The following SH3GL1 variants were observed in gnomAD, a reference collection of about 807,000 sequenced individuals.
The protein encoded by SH3GL1 is SH3 domain containing GRB2 like 1, endophilin A2.
Under a neutral mutation model 48.8 loss-of-function variants are expected in SH3GL1, and 21 were observed. The ratio of observed to expected loss-of-function variants is 0.43; its 90% CI spans 0.30 to 0.62. The LOEUF (loss-of-function observed/expected upper bound fraction) is 0.62, where lower values mean the gene tolerates loss of function less well. SH3GL1 is among the 20% of genes least tolerant of loss of function. The pLI, the probability that SH3GL1 is intolerant of heterozygous loss-of-function variation, is 0.11. For missense variants in SH3GL1, 454 were observed against 503.0 expected, an observed-to-expected ratio of 0.90 and a Z score of 0.93; for synonymous variants, 282 against 217.5, an observed-to-expected ratio of 1.30 and a Z score of -2.61.
At chr19:4,377,684 G>T (rs760498695) in intron 1 of SH3GL1, among the ~76,000 whole-genome samples, 7 of 152,160 alleles carry the variant, frequency 4.6e-5, no homozygotes, top group African/African-American at 1.7e-4. Flanking sequence ...CTGCCCCCTC[G>T]CCAGGTCACG....
At chr19:4,395,425 G>C (rs1852303407) in intron 1 of SH3GL1, 1 of 152,170 alleles carries the variant, frequency 6.6e-6, no homozygotes. Flanking sequence ...TGTATGTTCT[G>C]TGTTTCTCTG....
At position 4,361,597 on chromosome 19, in the gene SH3GL1, G is replaced by A; in HGVS notation, c.*3C>T. Reference sequence around the variant, plus strand: ...GGAGGGGCGGGGCGGGGACACGGGTGAGTCACTGCGGCAGGGGCACAAGCA... The same window carrying A: ...GGAGGGGCGGGGCGGGGACACGGGTAAGTCACTGCGGCAGGGGCACAAGCA... On this transcript the variant is annotated 3_prime_UTR_variant, in exon 10 of 10. Coordinates refer to ENST00000269886, the MANE Select transcript of SH3GL1 (RefSeq NM_003025.4). 6.3e-7 allele frequency: 1 copy of A among 1,590,992 alleles called. No homozygotes were observed. The highest frequency in any genetic ancestry group is 8.5e-7 in the Non-Finnish European group (1 of 1,171,564).
chr19:4,381,066 TCCCCC>T (rs1973111450), intron 1 of SH3GL1, among the ~76,000 whole-genome samples: 1 of 109,078 alleles, frequency 9.2e-6, no homozygotes, highest in African/African-American at 4.0e-5. Flanking sequence ...AGCCTCTCTG[TCCCCC>T]TGCCTCTCTC....
At chr19:4,366,186 G>A (rs905735179) in intron 3 of SH3GL1, among the ~76,000 whole-genome samples, 4 of 152,166 alleles carry the variant, frequency 2.6e-5, no homozygotes, top group South Asian at 2.1e-4. Context: ...GGGGAGGGGC[G>A]GCCAATACAA....
rs148162071 is a variant in SH3GL1, at chr19:4,379,751, G to A, written c.46-12757C>T. Among the ~76,000 whole-genome samples the A allele has an allele frequency of 6.9e-4, 105 of 152,140 alleles. 1 individual carries two copies. In the East Asian group the frequency reaches 0.012, roughly 17 times the overall value. On this transcript the variant is annotated intron_variant, in intron 1 of 9. Transcript: ENST00000269886. ...TCTGTGCATGGGCGAGCCTGTGGCC[G>A]TGACTGTGACCCCTCACTGCCAGGA...
intron 1 of SH3GL1, among the ~76,000 whole-genome samples, chr19:4,374,465 C>A (rs746265079): frequency 6.6e-6 from 1 of 152,262 alleles, no homozygotes; most frequent in Non-Finnish European, 1.5e-5. Flanking sequence ...CCAGCCCACA[C>A]TGCCTTTCTG....
chr19:4,396,010 AAAG>A (rs1173743843), intron 1 of SH3GL1: 10 of 152,118 alleles, frequency 6.6e-5, no homozygotes, highest in African/African-American at 1.9e-4. Context: ...CCCCCCTAAA[AAAG>A]AAGCCCAGAT....
At chr19:4,386,501 C>CTTTTTT (rs960946256) in intron 1 of SH3GL1, among the ~76,000 whole-genome samples, 1 of 130,804 alleles carries the variant, frequency 7.6e-6, no homozygotes. Context: ...TTCTTTTTCA[C>CTTTTTT]TTTTTTTTTT....
At chr19:4,377,538 G>A (rs1180009226) in intron 1 of SH3GL1, among the ~76,000 whole-genome samples, 1 of 152,246 alleles carries the variant, frequency 6.6e-6, no homozygotes, top group Non-Finnish European at 1.5e-5. Flanking sequence ...CAGGCCAGAA[G>A]TCATCCCGGG....
At chr19:4,393,820 AAAAT>A (rs879327850) in intron 1 of SH3GL1, among the ~76,000 whole-genome samples, 3 of 152,008 alleles carry the variant, frequency 2.0e-5, no homozygotes, top group Non-Finnish European at 4.4e-5. Flanking sequence ...TTAAAATTTA[AAAAT>A]AAATAAAAAT....
intron 1 of SH3GL1, among the ~76,000 whole-genome samples, chr19:4,382,251 TTC>T (rs1268281145): frequency 3.1e-5 from 4 of 127,020 alleles, no homozygotes; most frequent in Non-Finnish European, 5.4e-5. Flanking sequence ...GTGCTCCGCT[TTC>T]TTTTTTTTTT....
rs933129101 is a variant in SH3GL1 at position 4,389,179 on chromosome 19, C to G, written c.45+11145G>C. Among the ~76,000 whole-genome samples the G allele has an allele frequency of 1.3e-5, 2 of 152,178 alleles. No individual in the cohort carries two copies. Among genetic ancestry groups the G allele is most frequent in the African/African-American group, 4.8e-5 (2 of 41,446 alleles). Reference sequence around the variant, plus strand: ...ACCTCATCAGCAGGCCAGTGCCCAGCAGAACATGGCCCATCACACATGCCC... The same window carrying G: ...ACCTCATCAGCAGGCCAGTGCCCAGGAGAACATGGCCCATCACACATGCCC... On this transcript the variant is annotated intron_variant, in intron 1 of 9. Transcript: ENST00000269886. This position sits in a 1 kb window ranked among gnomAD's most constrained non-coding sequence, Gnocchi z 4.5.
chr19:4,365,033 G>C (rs1327348177), intron 4 of SH3GL1, among the ~76,000 whole-genome samples: 1 of 151,786 alleles, frequency 6.6e-6, no homozygotes, highest in Non-Finnish European at 1.5e-5. Context: ...GGGATTACAG[G>C]CATGAGCCAC....
At chr19:4,363,973 T>C (rs1972700443) in intron 5 of SH3GL1, 95 bp from the exon 6 acceptor site, 9 of 1,601,902 alleles carry the variant, frequency 5.6e-6, no homozygotes, top group Non-Finnish European at 7.7e-6. Context: ...CTGGGGATCC[T>C]GCCTGCCTGA....
rs113643244 is a variant in SH3GL1 at position 4,364,325 on chromosome 19, G to A, written c.332-104C>T. 488 of 1,446,296 alleles carry A rather than the reference G, an allele frequency of 3.4e-4. 2 individuals are homozygous for A. The African/African-American group carries it at 4.3e-3, about 13-fold the overall frequency. 89.6% of individuals were successfully genotyped at this position (1,446,296 alleles called of 1,614,324 possible). On this transcript the variant is annotated intron_variant, in intron 4 of 9. Transcript: ENST00000269886. ...GAAATAGCGTTTCACAGGCTGGAACGCAGTGGCGCTGTACCAGCTCACTGC... is the reference window on the plus strand; with the variant it reads ...GAAATAGCGTTTCACAGGCTGGAACACAGTGGCGCTGTACCAGCTCACTGC...
rs546540381 is a variant in SH3GL1 at position 4,361,413 on chromosome 19, C to T, written c.*187G>A. On this transcript the variant is annotated 3_prime_UTR_variant, in exon 10 of 10. Transcript: ENST00000269886. ...GCGCTAGTGTAAACAGGCATCCCCA[C>T]CCACCCAGATAAGCCCCCCCACCCA... is the stretch of plus-strand genomic sequence containing the variant. 19 of 593,400 alleles carry T rather than the reference C, an allele frequency of 3.2e-5. 1 individual carries two copies. The Admixed American group carries it at 5.4e-4, about 17-fold the overall frequency. The allele number at this position is 593,400 out of a possible 1,614,324, so 36.8% of individuals were successfully genotyped here.
chr19:4,400,392 C>T lies in SH3GL1; in HGVS notation c.-24G>A, dbSNP rs200941071. On this transcript the variant is annotated 5_prime_UTR_variant, in exon 1 of 10. Coordinates refer to ENST00000269886, the MANE Select transcript of SH3GL1 (RefSeq NM_003025.4). The surrounding 1 kb of genome is among the most constrained non-coding windows in gnomAD (Gnocchi z 4.1). Reference sequence around the variant, plus strand: ...ATGCTGCCGCCCGCCGCCGAGCCTCCCGCCCGGACCGCGCCAGCGACAGGC... The same window carrying T: ...ATGCTGCCGCCCGCCGCCGAGCCTCTCGCCCGGACCGCGCCAGCGACAGGC... 2 of 1,572,440 alleles carry T rather than the reference C, an allele frequency of 1.3e-6. No homozygotes were observed. The highest frequency in any genetic ancestry group is 3.5e-5 in the Admixed American group (2 of 56,500).
intron 1 of SH3GL1, among the ~76,000 whole-genome samples, chr19:4,368,684 A>T (rs1972834139): frequency 6.6e-6 from 1 of 152,152 alleles, no homozygotes; most frequent in Non-Finnish European, 1.5e-5. Flanking sequence ...GCATTCAGTG[A>T]GCACAGGCCC....
chr19:4,364,149 A>G lies in SH3GL1; in HGVS notation c.404T>C (p.Val135Ala). 6.2e-7 allele frequency: 1 copy of G among 1,613,614 alleles called. No individual in the cohort carries two copies. Among genetic ancestry groups the G allele is most frequent in the Non-Finnish European group, 8.5e-7 (1 of 1,179,948 alleles). The part of the protein sequence containing the change: ...AEVKDSLDIE[V>A]KQNFIDPLQN... The stretch of plus-strand genomic sequence containing the variant: ...GAGGGGGTCAATGAAGTTCTGCTTG[A>G]CCTCGATGTCCAGGGAGTCCTTCAC... The change falls in exon 5 of 10, where the codon GTC becomes GCC. Residue 135 changes from valine (V) to alanine (A), a missense_variant. By Grantham distance (64) the Val-to-Ala change is moderately conservative. Around this residue, in one of 2 missense-constraint regions of SH3GL1, gnomAD observed 176 missense variants for 256.2 expected, o/e 0.69. Transcript: ENST00000269886.
Sources: gnomAD v4.1 joint callset for allele counts (sites outside exome capture counted in the v4.1 genomes callset) on GRCh38, gnomAD v4.1.1 for gene constraint, gnomAD v4.1.1 regional missense constraint, Gnocchi (gnomAD v3.1) non-coding constraint, MANE v1.5 for transcripts, NCBI Gene and HGNC (gene_info 2026-07-23, HGNC 2026-07-21) for gene names.